Variants in CDH17 observed in about 807,000 individuals in gnomAD.
CDH17 encodes the protein cadherin-17.
CDH17 carries 67 observed loss-of-function variants against 86.3 expected under a neutral mutation model. The ratio of observed to expected loss-of-function variants is 0.78; its 90% confidence interval spans 0.64 to 0.95. CDH17 has a LOEUF of 0.95. Ranked by LOEUF, CDH17 falls within the 40% of genes least tolerant of loss-of-function variation. CDH17 has a pLI of 0.00. For missense variants in CDH17, 993 were observed against 1,017.6 expected (o/e 0.98, Z 0.33); for synonymous variants, 367 against 366.4 (o/e 1.00, Z -0.02).
rs137892965 is a variant in CDH17 at position 94,186,941 on chromosome 8, CA to C, written c.150+2245del. On this transcript the variant is annotated intron_variant, in intron 3 of 17. Transcript: ENST00000027335. ...CCACTCTATACTCTGGCCCACATGC[CA>C]GCTGTCATTTTCTTGACAAGTGCAC... 4.9e-3 allele frequency among the ~76,000 whole-genome samples: 748 copies of C among 152,318 alleles called. 8 individuals are homozygous for C. The highest frequency in any genetic ancestry group is 0.017 in the African/African-American group (695 of 41,574).
Position 94,146,100 on chromosome 8 carries a change from G to A in CDH17, c.1995C>T (p.Pro665=). 1 of 1,612,172 alleles carries A rather than the reference G, an allele frequency of 6.2e-7. No homozygotes were observed. The highest frequency in any genetic ancestry group is 8.5e-7 in the Non-Finnish European group (1 of 1,179,144). The change falls in exon 15 of 18, where the codon CCC becomes CCT. Residue 665 remains proline (P), a synonymous_variant. Transcript: ENST00000027335. ...LILMDVNDNP[P]RLAKDYTGLF... ...AGCCCGTGTAGTCCTTGGCTAGCCT[G>A]GGAGGGTTGTCATTCACATCCATAA...
intron 3 of CDH17, among the ~76,000 whole-genome samples, chr8:94,186,142 T>C (rs1296159385): frequency 6.6e-6 from 1 of 152,202 alleles, no homozygotes; most frequent in Non-Finnish European, 1.5e-5. Flanking sequence ...CTGTATCTCC[T>C]GACCCATATT....
intron 1 of CDH17, among the ~76,000 whole-genome samples, chr8:94,203,460 C>A (rs1180417686): frequency 6.6e-6 from 1 of 152,146 alleles, no homozygotes; most frequent in Non-Finnish European, 1.5e-5. Context: ...TATTTTTCCT[C>A]CTCACTGTAT....
chr8:94,177,990 A>C (rs1445993070), intron 3 of CDH17, among the ~76,000 whole-genome samples: 1 of 152,210 alleles, frequency 6.6e-6, no homozygotes, highest in Non-Finnish European at 1.5e-5. Flanking sequence ...GTTAAAAGAG[A>C]CTTTTTGGTA....
chr8:94,160,021 C>T lies in CDH17; in HGVS notation c.1501G>A (p.Gly501Arg), dbSNP rs751925230. 2 of 1,613,582 alleles carry T rather than the reference C, an allele frequency of 1.2e-6. No homozygotes were observed. Among genetic ancestry groups the T allele is most frequent in the South Asian group, 2.2e-5 (2 of 90,938 alleles). ...IIKGDSEGRLGVDTDPHTNTG... is the reference protein window; with the variant it reads ...IIKGDSEGRLRVDTDPHTNTG... ...TTGGTATGGGGATCTGTGTCAACCC[C>T]CAGGCGTCCCTCACTGTCTCCCTTT... Residue 501 changes from glycine (G) to arginine (R), a missense_variant, in exon 12 of 18, where the codon GGG becomes AGG. Physicochemically the swap from Gly to Arg is moderately radical, Grantham distance 125. Coordinates refer to ENST00000027335, the MANE Select transcript of CDH17 (RefSeq NM_004063.4).
At chr8:94,194,495 T>C (rs1813743108) in intron 2 of CDH17, 140 bp downstream of exon 2, 2 of 668,970 alleles carry the variant, frequency 3.0e-6, no homozygotes, top group East Asian at 5.5e-5. Context: ...ACAAGCTATG[T>C]TTCCATTCTA....
At chr8:94,186,685 C>T (rs940775621) in intron 3 of CDH17, among the ~76,000 whole-genome samples, 2 of 152,226 alleles carry the variant, frequency 1.3e-5, no homozygotes, top group Non-Finnish European at 2.9e-5. Flanking sequence ...TCCCTCACTT[C>T]CCGTTGAACT....
chr8:94,177,537 G>C (rs1813397870), intron 4 of CDH17, 50 bp downstream of exon 4: 1 of 1,599,976 alleles, frequency 6.3e-7, no homozygotes, highest in African/African-American at 1.3e-5. Context: ...CCAGAACAAA[G>C]GGTGCTCAGA....
chr8:94,215,638 G>A (rs1002488519), intron 1 of CDH17, among the ~76,000 whole-genome samples: 1 of 152,160 alleles, frequency 6.6e-6, no homozygotes, highest in Non-Finnish European at 1.5e-5. Flanking sequence ...TTGGTAAGCT[G>A]TATGATATGT....
chr8:94,207,751 G>A (rs1300106493), intron 1 of CDH17, among the ~76,000 whole-genome samples: 2 of 152,146 alleles, frequency 1.3e-5, no homozygotes, highest in Non-Finnish European at 2.9e-5. Flanking sequence ...AAAGTCACCT[G>A]TCATAAAAGA....
rs897606124 is a variant in CDH17 at position 94,162,179 on chromosome 8, T to C, written c.1283-17A>G. ...TCTTGAAATCTGAAAACCAAAGTCA[T>C]ATGTCATAGAAATTTTCACTGAAAA... On this transcript the variant is annotated splice_polypyrimidine_tract_variant and intron_variant, in intron 10 of 17. Transcript: ENST00000027335. 1 of 1,526,498 alleles carries C rather than the reference T, an allele frequency of 6.6e-7. No homozygotes were observed. The highest frequency in any genetic ancestry group is 1.4e-5 in the African/African-American group (1 of 72,928). 94.6% of individuals were successfully genotyped at this position (1,526,498 alleles called of 1,614,324 possible). A position where few individuals can be genotyped will look rare whatever the true frequency, so the allele number is the denominator to read the frequency against.
intron 1 of CDH17, among the ~76,000 whole-genome samples, chr8:94,197,982 T>G (rs1813820152): frequency 6.6e-6 from 1 of 152,104 alleles, no homozygotes; most frequent in Non-Finnish European, 1.5e-5. Context: ...AGCTAGGAAG[T>G]GACATTACCT....
At chr8:94,171,032 G>A in intron 7 of CDH17, 47 bp from the exon 8 acceptor site, 1 of 1,563,348 alleles carries the variant, frequency 6.4e-7, no homozygotes, top group Non-Finnish European at 8.7e-7. Flanking sequence ...TTTGGACTGA[G>A]AGAACTGGAA....
At chr8:94,184,082 T>C (rs887668594) in intron 3 of CDH17, among the ~76,000 whole-genome samples, 4 of 151,074 alleles carry the variant, frequency 2.6e-5, no homozygotes, top group Non-Finnish European at 3.0e-5. Context: ...GCTAAGGATA[T>C]GGAGAAATTG....
chr8:94,172,419 G>A (rs1037677382), intron 7 of CDH17, among the ~76,000 whole-genome samples: 4 of 150,706 alleles, frequency 2.7e-5, no homozygotes, highest in African/African-American at 7.3e-5. Context: ...GCCATTCCAG[G>A]GCCCCTTAAC....
intron 9 of CDH17, 34 bp downstream of exon 9, chr8:94,170,363 A>G (rs754593552): frequency 2.9e-5 from 46 of 1,604,018 alleles, no homozygotes; most frequent in Non-Finnish European, 3.8e-5. Context: ...AATGGAGGGC[A>G]GTTACACAGC....
chr8:94,172,694 C>A (rs943623507), intron 7 of CDH17, among the ~76,000 whole-genome samples: 1 of 152,142 alleles, frequency 6.6e-6, no homozygotes, highest in Admixed American at 6.5e-5. Flanking sequence ...TCCCACTAAC[C>A]CACAGCTTTC....
At chr8:94,198,786 C>T (rs1203081806) in intron 1 of CDH17, among the ~76,000 whole-genome samples, 1 of 152,170 alleles carries the variant, frequency 6.6e-6, no homozygotes, top group Non-Finnish European at 1.5e-5. Flanking sequence ...TGGATATTTG[C>T]TTAATGAGGT....
Position 94,205,410 on chromosome 8 carries a change from G to A in CDH17, c.-21+3073C>T, listed in dbSNP as rs139797382. ...TTCAGTAGGAAGTAAATCTAAATTA[G>A]GTTCCATCCCATAGGATTTAGACAC... On this transcript the variant is annotated intron_variant, in intron 1 of 17. Coordinates refer to ENST00000027335, the MANE Select transcript of CDH17 (RefSeq NM_004063.4). Among the ~76,000 whole-genome samples the A allele has an allele frequency of 3.7e-3, 566 of 152,148 alleles. 3 individuals carry two copies. The highest frequency in any genetic ancestry group is 0.013 in the African/African-American group (543 of 41,500).
Sources: allele counts gnomAD v4.1 joint callset (sites outside exome capture counted in the v4.1 genomes callset), GRCh38; gene constraint gnomAD v4.1.1; transcripts MANE v1.5; gene names NCBI Gene and HGNC (gene_info 2026-07-23, HGNC 2026-07-21).